Variants in RAB27A observed in about 807,000 individuals in gnomAD.
The protein encoded by RAB27A is RAB27A, member RAS oncogene family.
A neutral mutation model predicts 20.8 loss-of-function variants in RAB27A; 17 were observed. The ratio of observed to expected loss-of-function variants is 0.82; its 90% CI spans 0.56 to 1.23. The LOEUF (loss-of-function observed/expected upper bound fraction) is 1.23. Ranked by LOEUF, RAB27A falls within the 50% of genes most tolerant of loss-of-function variation. RAB27A has a pLI of 0.00. For missense variants in RAB27A, 277 were observed against 266.7 expected (o/e 1.04, Z -0.27); for synonymous variants, 85 against 92.8 (o/e 0.92, Z 0.48).
chr15:55,258,209 C>G (rs1010871302), intron 2 of RAB27A, among the ~76,000 whole-genome samples: 5 of 152,118 alleles, frequency 3.3e-5, no homozygotes, highest in African/African-American at 1.2e-4. Flanking sequence ...TCTTATTACC[C>G]TTATCTAATT....
At chr15:55,246,019 C>T (rs1896671122) in intron 2 of RAB27A, among the ~76,000 whole-genome samples, 1 of 151,878 alleles carries the variant, frequency 6.6e-6, no homozygotes, top group African/African-American at 2.4e-5. Context: ...GGTAGGTTCA[C>T]GGGCGATAAT....
At chr15:55,317,777 T>A (rs1477194353) in intron 1 of RAB27A, 4 of 398,454 alleles carry the variant, frequency 1.0e-5, no homozygotes, top group African/African-American at 6.2e-5. Flanking sequence ...TGTGCAAAAG[T>A]CAATCTCCTA....
chr15:55,250,388 C>T (rs886602594), intron 2 of RAB27A, among the ~76,000 whole-genome samples: 1 of 152,304 alleles, frequency 6.6e-6, no homozygotes, highest in Non-Finnish European at 1.5e-5. Context: ...TTATGGCTAC[C>T]TTTAACGTAT....
intron 2 of RAB27A, among the ~76,000 whole-genome samples, chr15:55,235,584 A>G (rs1319602883): frequency 6.6e-6 from 1 of 152,202 alleles, no homozygotes; most frequent in East Asian, 1.9e-4. Context: ...TAGACCATAT[A>G]GAACAAAAAC....
At chr15:55,209,925 C>T (rs1230559869) in intron 6 of RAB27A, among the ~76,000 whole-genome samples, 2 of 112,710 alleles carry the variant, frequency 1.8e-5, no homozygotes, top group African/African-American at 5.4e-5. Flanking sequence ...TATATACACA[C>T]ATATATGTAT....
At chr15:55,298,126 A>G (rs2054957095) in intron 2 of RAB27A, among the ~76,000 whole-genome samples, 1 of 149,160 alleles carries the variant, frequency 6.7e-6, no homozygotes, top group Admixed American at 6.8e-5. Flanking sequence ...AATGGTGTGA[A>G]CCCGGGAGGC....
At chr15:55,267,757 G>A (rs1566929699) in intron 2 of RAB27A, among the ~76,000 whole-genome samples, 1 of 152,168 alleles carries the variant, frequency 6.6e-6, no homozygotes, top group Non-Finnish European at 1.5e-5. Flanking sequence ...AAACAGAAAT[G>A]GAGGCAGGAA....
intron 6 of RAB27A, among the ~76,000 whole-genome samples, chr15:55,206,820 A>T (rs1458942407): frequency 6.6e-6 from 1 of 152,210 alleles, no homozygotes; most frequent in Non-Finnish European, 1.5e-5. Context: ...AATAAGTTTG[A>T]TAATCTTGAC....
At position 55,205,324 on chromosome 15, in the gene RAB27A, G is replaced by A; in HGVS notation, c.*183C>T. The A allele has an allele frequency of 1.5e-6, 1 of 678,436 alleles. No individual in the cohort carries two copies. Among genetic ancestry groups the A allele is most frequent in the East Asian group, 2.7e-5 (1 of 36,768 alleles). The allele number at this position is 678,436 out of a possible 1,614,324, so 42.0% of individuals were successfully genotyped here. On this transcript the variant is annotated 3_prime_UTR_variant, in exon 7 of 7. Coordinates refer to ENST00000336787, the MANE Select transcript of RAB27A (RefSeq NM_183235.3). The stretch of plus-strand genomic sequence containing the variant: ...CCTAACTCTCAGGCTGAATCTTAAA[G>A]AAATATTTACAAAGCTGCAACAAAT...
At position 55,309,673 on chromosome 15, in the gene RAB27A, G is replaced by A. The variant is rs184747412; in HGVS notation, c.-112+4366C>T. Among the ~76,000 whole-genome samples, 495 of 152,260 alleles carry A rather than the reference G, an allele frequency of 3.3e-3. 1 individual carries two copies. The highest frequency in any genetic ancestry group is 0.011 in the African/African-American group (470 of 41,566). Reference sequence around the variant, plus strand: ...AGAAAAAGGCATCCTTAAGGTCCAGGACTGTAAACCACTCTGCTTCCTCTG... The same window carrying A: ...AGAAAAAGGCATCCTTAAGGTCCAGAACTGTAAACCACTCTGCTTCCTCTG... On this transcript the variant is annotated intron_variant, in intron 2 of 5. Coordinates refer to the RAB27A transcript ENST00000563262.
At chr15:55,273,903 C>T (rs1384744238) in intron 1 of RAB27A, among the ~76,000 whole-genome samples, 1 of 152,166 alleles carries the variant, frequency 6.6e-6, no homozygotes, top group Non-Finnish European at 1.5e-5. Context: ...ATGGAATTAA[C>T]AGGCACATAC....
At chr15:55,279,814 G>C (rs1897966866) in intron 1 of RAB27A, among the ~76,000 whole-genome samples, 1 of 152,182 alleles carries the variant, frequency 6.6e-6, no homozygotes, top group Non-Finnish European at 1.5e-5. Flanking sequence ...CAGATGGCCA[G>C]GAAAGTTAAG....
chr15:55,270,850 C>T (rs770050972), intron 1 of RAB27A: 1 of 152,202 alleles, frequency 6.6e-6, no homozygotes, highest in African/African-American at 2.4e-5. Context: ...CAGCATGTCC[C>T]GTACTCACCT....
At chr15:55,314,445 GAA>G (rs1434425977) in intron 1 of RAB27A, among the ~76,000 whole-genome samples, 1 of 152,108 alleles carries the variant, frequency 6.6e-6, no homozygotes, top group Non-Finnish European at 1.5e-5. Flanking sequence ...AGAGAAGAAA[GAA>G]AGGGTATTCA....
chr15:55,299,426 T>C (rs36119525), intron 2 of RAB27A, among the ~76,000 whole-genome samples: 6,583 of 152,030 alleles, frequency 0.043, 221 homozygotes, highest in Middle Eastern at 0.058. Flanking sequence ...AAACCCCGTC[T>C]CTACTAAAAA....
chr15:55,262,149 T>C (rs185388735), intron 2 of RAB27A, among the ~76,000 whole-genome samples: 2 of 152,326 alleles, frequency 1.3e-5, no homozygotes, highest in Non-Finnish European at 2.9e-5. Context: ...AACATGTATC[T>C]TCTATTTCTT....
At chr15:55,312,160 C>T (rs969962462) in intron 2 of RAB27A, among the ~76,000 whole-genome samples, 1 of 152,218 alleles carries the variant, frequency 6.6e-6, no homozygotes, top group Non-Finnish European at 1.5e-5. Flanking sequence ...TGGCAATGGG[C>T]GCCTCGCTGG....
intron 6 of RAB27A, among the ~76,000 whole-genome samples, chr15:55,223,078 T>C (rs1424745677): frequency 6.6e-6 from 1 of 152,002 alleles, no homozygotes; most frequent in Non-Finnish European, 1.5e-5. Context: ...CACAAGACCA[T>C]AGACTAAGCC....
At chr15:55,209,843 C>CACATATATGTGTGTAT in intron 6 of RAB27A, among the ~76,000 whole-genome samples, 1 of 109,552 alleles carries the variant, frequency 9.1e-6, no homozygotes, top group East Asian at 2.5e-4. Context: ...TATGTGTGTA[C>CACATATATGTGTGTAT]ACATATATGT....
Sources: allele counts gnomAD v4.1 joint callset (sites outside exome capture counted in the v4.1 genomes callset), GRCh38; gene constraint gnomAD v4.1.1; transcripts MANE v1.5; gene names NCBI Gene and HGNC (gene_info 2026-07-23, HGNC 2026-07-21).